Variants in KAZN observed in about 807,000 individuals in gnomAD.
The protein encoded by KAZN is kazrin, periplakin interacting protein.
KAZN carries 40 observed loss-of-function variants against 87.4 expected under a neutral mutation model. The ratio of observed to expected loss-of-function variants is 0.46; its 90% CI spans 0.36 to 0.60. KAZN has a LOEUF of 0.60. Ranked by LOEUF, KAZN falls within the 20% of genes least tolerant of loss-of-function variation. KAZN has a pLI of 0.00. For synonymous variants in KAZN, 466 were observed against 458.3 expected (o/e 1.02, Z -0.22); for missense variants, 898 against 1,073.9 (o/e 0.84, Z 2.29).
At chr1:15,060,626 C>T (rs1638714219) in intron 6 of KAZN, 1 of 337,056 alleles carries the variant, frequency 3.0e-6, no homozygotes, top group Admixed American at 4.0e-5. Context: ...CACACATTAC[C>T]TTCCAGAGCT....
chr1:14,770,863 C>G (rs886893070), intron 1 of KAZN, among the ~76,000 whole-genome samples: 1 of 152,130 alleles, frequency 6.6e-6, no homozygotes, highest in African/African-American at 2.4e-5. Context: ...TTCCCCTCCC[C>G]CAAACAGAAG....
chr1:14,466,686 C>G (rs1280655595), intron 2 of KAZN, among the ~76,000 whole-genome samples: 1 of 149,804 alleles, frequency 6.7e-6, no homozygotes, highest in Non-Finnish European at 1.5e-5. Flanking sequence ...GAAGAAGAAA[C>G]GGCCAGGCGC....
At chr1:15,037,557 A>AG (rs1482175748) in intron 3 of KAZN, among the ~76,000 whole-genome samples, 1 of 152,088 alleles carries the variant, frequency 6.6e-6, no homozygotes. Flanking sequence ...ATGGAAAGCA[A>AG]GGGGGGTAGG....
intron 2 of KAZN, among the ~76,000 whole-genome samples, chr1:14,388,908 A>G (rs555257746): frequency 1.3e-5 from 2 of 152,348 alleles, no homozygotes; most frequent in South Asian, 2.1e-4. Context: ...CAAAGTGAAT[A>G]GAAAACCCAC....
chr1:15,010,746 T>C (rs999096779), intron 2 of KAZN, among the ~76,000 whole-genome samples: 8 of 152,138 alleles, frequency 5.3e-5, no homozygotes, highest in Admixed American at 4.6e-4. Context: ...ATCCAGACAT[T>C]CAGCAGAAGT....
intron 1 of KAZN, among the ~76,000 whole-genome samples, chr1:14,159,114 G>A (rs1645656677): frequency 6.6e-6 from 1 of 152,010 alleles, no homozygotes; most frequent in Non-Finnish European, 1.5e-5. Context: ...TCTGCCTATG[G>A]CTTATGTTTG....
intron 1 of KAZN, among the ~76,000 whole-genome samples, chr1:14,158,409 C>A (rs1645642133): frequency 1.3e-5 from 2 of 151,946 alleles, no homozygotes; most frequent in South Asian, 4.2e-4. Flanking sequence ...ATACATTTTT[C>A]AGTATGCCAA....
At chr1:14,910,325 C>G (rs189367479) in intron 1 of KAZN, among the ~76,000 whole-genome samples, 6 of 152,196 alleles carry the variant, frequency 3.9e-5, no homozygotes, top group Admixed American at 3.3e-4. Context: ...GGCCTTCCCC[C>G]ATGTGGGTGC....
At chr1:14,473,769 C>T (rs1668579055) in intron 2 of KAZN, among the ~76,000 whole-genome samples, 1 of 152,152 alleles carries the variant, frequency 6.6e-6, no homozygotes, top group African/African-American at 2.4e-5. Context: ...CCCTACTAGC[C>T]TCGTTTCTAC....
intron 1 of KAZN, among the ~76,000 whole-genome samples, chr1:14,905,979 C>G (rs190301547): frequency 4.0e-5 from 6 of 150,992 alleles, no homozygotes; most frequent in Admixed American, 1.3e-4. Context: ...CCATCCTGGC[C>G]AACACGGTGA....
At chr1:14,783,987 C>T (rs1645430375) in intron 1 of KAZN, among the ~76,000 whole-genome samples, 1 of 152,096 alleles carries the variant, frequency 6.6e-6, no homozygotes, top group African/African-American at 2.4e-5. Context: ...AAGGGTTGTA[C>T]CAGTCAGAGT....
chr1:14,409,066 T>G (rs1025683392), intron 2 of KAZN, among the ~76,000 whole-genome samples: 5 of 152,204 alleles, frequency 3.3e-5, no homozygotes, highest in African/African-American at 1.2e-4. Context: ...GATAATGGTG[T>G]GTTCTGAGAA....
intron 1 of KAZN, among the ~76,000 whole-genome samples, chr1:14,145,775 T>G (rs892017154): frequency 2.6e-5 from 4 of 152,120 alleles, no homozygotes; most frequent in Non-Finnish European, 5.9e-5. Context: ...GAGACAGGGT[T>G]TCGCCATGTT....
chr1:13,930,485 A>T (rs747188224), intron 1 of KAZN, among the ~76,000 whole-genome samples: 5 of 152,170 alleles, frequency 3.3e-5, no homozygotes, highest in Admixed American at 1.3e-4. Context: ...AATGGAATCT[A>T]CTAAGCCATT....
At chr1:14,334,187 G>A (rs574385125) in intron 2 of KAZN, among the ~76,000 whole-genome samples, 21 of 152,062 alleles carry the variant, frequency 1.4e-4, no homozygotes, top group Non-Finnish European at 2.5e-4. Flanking sequence ...CCAACATGGT[G>A]AAACCCCGTC....
chr1:14,551,311 A>G (rs1673503435), intron 2 of KAZN, among the ~76,000 whole-genome samples: 1 of 152,146 alleles, frequency 6.6e-6, no homozygotes, highest in East Asian at 1.9e-4. Flanking sequence ...CCTTGCTATG[A>G]GGAGCAGTTA....
intron 2 of KAZN, among the ~76,000 whole-genome samples, chr1:15,022,539 T>C (rs1670784196): frequency 6.6e-6 from 1 of 152,102 alleles, no homozygotes; most frequent in East Asian, 1.9e-4. Flanking sequence ...CAGCCATGGA[T>C]GGGCCCAAGT....
intron 1 of KAZN, among the ~76,000 whole-genome samples, chr1:14,776,953 A>G (rs1208324929): frequency 6.9e-6 from 1 of 145,594 alleles, no homozygotes; most frequent in East Asian, 2.2e-4. Flanking sequence ...AAAAAAAAAA[A>G]AAGAGACGTC....
intron 1 of KAZN, among the ~76,000 whole-genome samples, chr1:14,743,104 G>T (rs1572374103): frequency 6.6e-6 from 1 of 152,152 alleles, no homozygotes; most frequent in East Asian, 1.9e-4. Context: ...GAGGCCAGGA[G>T]TAGGGAGAGT....
Sources: allele counts gnomAD v4.1 joint callset (sites outside exome capture counted in the v4.1 genomes callset), GRCh38; gene constraint gnomAD v4.1.1; transcripts MANE v1.5; gene names NCBI Gene and HGNC (gene_info 2026-07-23, HGNC 2026-07-21).